STARD8: variants seen among roughly 807,000 people sequenced by gnomAD.
STARD8 encodes the protein StAR related lipid transfer domain containing 8, also known as stAR-related lipid transfer protein 8.
Under a neutral mutation model 69.4 loss-of-function variants are expected in STARD8, and 25 were observed. The observed-to-expected ratio is 0.36, with a 90% CI of 0.26 to 0.50. STARD8 has a LOEUF of 0.50. Ranked by LOEUF, STARD8 falls within the 20% of genes least tolerant of loss-of-function variation. STARD8 has a pLI of 0.96. For synonymous variants in STARD8, 389 were observed against 374.6 expected, an observed-to-expected ratio of 1.04 and a Z score of -0.45; for missense variants, 921 against 932.5, an observed-to-expected ratio of 0.99 and a Z score of 0.16.
At chrX:68,679,854 C>CA (rs767600670) in intron 2 of STARD8, among the ~76,000 whole-genome samples, 1 of 111,946 alleles carries the variant, frequency 8.9e-6, no homozygotes, top group South Asian at 3.8e-4. Context: ...GGCATTACCA[C>CA]AACTCCCCTT....
intron 4 of STARD8, 118 bp downstream of exon 4, chrX:68,715,493 C>T (rs2080085012): frequency 3.4e-6 from 2 of 594,520 alleles, no homozygotes; most frequent in Non-Finnish European, 2.6e-6. Flanking sequence ...TAACAAAGCT[C>T]ATCTTCTGTG....
At chrX:68,678,042 G>A (rs1277876326) in intron 2 of STARD8, among the ~76,000 whole-genome samples, 1 of 110,960 alleles carries the variant, frequency 9.0e-6, no homozygotes, top group Non-Finnish European at 1.9e-5. Context: ...AAAAGGGAAG[G>A]GACTTATGCA....
chrX:68,686,350 G>A (rs1206827391), intron 2 of STARD8, among the ~76,000 whole-genome samples: 2 of 112,514 alleles, frequency 1.8e-5, no homozygotes, highest in African/African-American at 6.5e-5. Flanking sequence ...GCTCAGTCCC[G>A]GGGCAAAACT....
intron 2 of STARD8, among the ~76,000 whole-genome samples, chrX:68,669,459 T>C (rs1404509436): frequency 2.7e-5 from 3 of 112,224 alleles, no homozygotes; most frequent in African/African-American, 9.7e-5. Flanking sequence ...GCGGAGCTCA[T>C]TAGCTCGCTT....
intron 2 of STARD8, among the ~76,000 whole-genome samples, chrX:68,693,269 A>G (rs182135975): frequency 8.9e-6 from 1 of 112,805 alleles, no homozygotes; most frequent in African/African-American, 3.2e-5. Flanking sequence ...ATTTCACTGA[A>G]GTTGTGTCTT....
chrX:68,712,872 AC>A, intron 2 of STARD8, 41 bp from the exon 3 acceptor site: 1 of 1,167,553 alleles, frequency 8.6e-7, no homozygotes, highest in East Asian at 3.1e-5. Context: ...CACCCTCCTA[AC>A]CCCATTTCTT....
Position 68,717,359 on chromosome X carries a change from G to T in STARD8, c.445G>T (p.Val149Phe). 12 of 1,207,607 alleles carry T rather than the reference G, an allele frequency of 9.9e-6. No homozygotes were observed. Among genetic ancestry groups the T allele is most frequent in the Non-Finnish European group, 1.3e-5 (12 of 894,148 alleles). The stretch of plus-strand genomic sequence containing the variant: ...GCCAGCGACCTCAAGCTGTGAGAGC[G>T]TCCTCACCGAGCTTAGTGCCACCTC... Reference protein sequence around the residue: ...GLPATSSCESVLTELSATSLP... With the variant: ...GLPATSSCESFLTELSATSLP... Residue 149 changes from valine to phenylalanine, a missense_variant, in exon 6 of 15, where the codon GTC (valine) becomes TTC (phenylalanine). Coordinates refer to ENST00000374599, the MANE Select transcript of STARD8 (RefSeq NM_001142503.3).
chrX:68,716,561 C>A, intron 5 of STARD8, 130 bp downstream of exon 5: 1 of 604,661 alleles, frequency 1.7e-6, no homozygotes, highest in African/African-American at 2.2e-5. Context: ...TGCCTTTCCC[C>A]AGCTAGGGGT....
intron 2 of STARD8, among the ~76,000 whole-genome samples, chrX:68,682,753 A>G (rs1393464009): frequency 8.9e-6 from 1 of 112,803 alleles, no homozygotes; most frequent in East Asian, 2.8e-4. Flanking sequence ...AAGGATGAGC[A>G]TTCTTGTGAG....
At chrX:68,711,510 G>GCAGGGGCTC (rs1280247045) in intron 2 of STARD8, among the ~76,000 whole-genome samples, 1 of 111,814 alleles carries the variant, frequency 8.9e-6, no homozygotes, top group Non-Finnish European at 1.9e-5. Flanking sequence ...CCCAAAACCT[G>GCAGGGGCTC]CAGGGGCTCC....
At chrX:68,697,043 C>G (rs1008716266) in intron 2 of STARD8, among the ~76,000 whole-genome samples, 2 of 111,997 alleles carry the variant, frequency 1.8e-5, no homozygotes, top group African/African-American at 6.5e-5. Flanking sequence ...CCTGTCCATA[C>G]TCTTATCTAC....
At chrX:68,659,486 A>T (rs2147875284) in intron 1 of STARD8, among the ~76,000 whole-genome samples, 1 of 110,464 alleles carries the variant, frequency 9.1e-6, no homozygotes, top group South Asian at 4.0e-4. Context: ...CCCTGGTCAG[A>T]CTAGTTTAGA....
rs150877708 is a variant in STARD8 at position 68,717,715 on chromosome X, C to T, written c.801C>T (p.Ala267=). ...YRAKNWAATS[A]GGSGANTRKA... is the part of the protein sequence containing the mutation. ...CCAAGAACTGGGCCGCCACCTCAGCCGGTGGCAGTGGTGCCAATACTCGGA... is the reference window on the plus strand; with the variant it reads ...CCAAGAACTGGGCCGCCACCTCAGCTGGTGGCAGTGGTGCCAATACTCGGA... Residue 267 remains alanine, a synonymous_variant, in exon 6 of 15, where the codon GCC becomes GCT. Transcript: ENST00000374599. The T allele has an allele frequency of 1.8e-4, 214 of 1,210,903 alleles. No homozygotes were observed. The highest frequency in any genetic ancestry group is 5.3e-4 in the South Asian group (30 of 56,885).
In STARD8 at chrX:68,719,319, C is replaced by T. The variant is rs200784997; in HGVS notation, c.1810C>T (p.Leu604Phe). 4.1e-6 allele frequency: 5 copies of T among 1,208,330 alleles called. No homozygotes were observed. The highest frequency in any genetic ancestry group is 5.6e-6 in the Non-Finnish European group (5 of 894,109). Residue 604 changes from leucine to phenylalanine, a missense_variant, in exon 7 of 15, where the codon CTC becomes TTC. Physicochemically the swap from Leu to Phe is conservative, Grantham distance 22 (BLOSUM62 0). Transcript: ENST00000374599. ...INRQFAGQIN[L>F]LHKGSLLRLT... ...CCGGCAGTTTGCAGGCCAGATCAAC[C>T]TCCTGCACAAGGGCTCACTGCTGCG...
intron 1 of STARD8, among the ~76,000 whole-genome samples, chrX:68,652,797 C>G (rs1602533365): frequency 1.7e-5 from 1 of 58,288 alleles, no homozygotes; most frequent in Non-Finnish European, 3.3e-5. Context: ...CACACACACA[C>G]CACACACCAC....
At chrX:68,653,493 CCT>C (rs2079588631) in intron 1 of STARD8, among the ~76,000 whole-genome samples, 1 of 41,503 alleles carries the variant, frequency 2.4e-5, no homozygotes, top group Non-Finnish European at 4.7e-5. Flanking sequence ...ACCCCACACC[CCT>C]CACACACACC....
chrX:68,666,419 C>T (rs1287112876), intron 2 of STARD8, among the ~76,000 whole-genome samples: 1 of 112,117 alleles, frequency 8.9e-6, no homozygotes, highest in Admixed American at 9.4e-5. Flanking sequence ...AACAGAAAGG[C>T]ATCTATTAAC....
chrX:68,722,175 G>C lies in STARD8; in HGVS notation c.2574+14G>C. 8.5e-7 allele frequency: 1 copy of C among 1,174,326 alleles called. No homozygotes were observed. Among genetic ancestry groups the C allele is most frequent in the Non-Finnish European group, 1.2e-6 (1 of 866,252 alleles). ...AAACTTTTCCAGGTGAGTAACCCCAGGCCATGACACCTACTTACCAGACCT... is the reference window on the plus strand; with the variant it reads ...AAACTTTTCCAGGTGAGTAACCCCACGCCATGACACCTACTTACCAGACCT... On this transcript the variant is annotated intron_variant, in intron 11 of 14. Coordinates refer to ENST00000374599, the MANE Select transcript of STARD8 (RefSeq NM_001142503.3).
rs2079785715 is a variant in STARD8, at chrX:68,679,234, A to G, written c.79+13702A>G. 2.7e-5 allele frequency among the ~76,000 whole-genome samples: 3 copies of G among 111,441 alleles called. No individual in the cohort carries two copies. The South Asian group carries it at 1.2e-3, about 43-fold the overall frequency. ...AAATTGAATCCTATGTGACACCCCA[A>G]TATATAAAACAAAACAAATAAAAAC... On this transcript the variant is annotated intron_variant, in intron 2 of 14. Coordinates refer to ENST00000374599, the MANE Select transcript of STARD8 (RefSeq NM_001142503.3).
Sources: allele counts gnomAD v4.1 joint callset (sites outside exome capture counted in the v4.1 genomes callset), GRCh38; gene constraint gnomAD v4.1.1; transcripts MANE v1.5; gene names NCBI Gene and HGNC (gene_info 2026-07-23, HGNC 2026-07-21).